Variants in ACACA observed in about 807,000 individuals in gnomAD.
ACACA encodes acetyl-CoA carboxylase alpha, also known as acetyl-CoA carboxylase 1.
Under a neutral mutation model 296.1 loss-of-function variants are expected in ACACA, and 103 were observed. The observed-to-expected ratio is 0.35, with a 90% CI of 0.30 to 0.41. The LOEUF is 0.41. Ranked by LOEUF, ACACA falls within the 10% of genes least tolerant of loss-of-function variation. The probability of loss-of-function intolerance (pLI) is 1.00; values close to 1 mark genes in which losing one functional copy is unlikely to be tolerated. For synonymous variants in ACACA, 953 were observed against 1,038.6 expected, an observed-to-expected ratio of 0.92 and a Z score of 1.58; for missense variants, 1,554 against 2,989.7, an observed-to-expected ratio of 0.52 and a Z score of 11.20.
chr17:37,210,215 A>G (rs2078685654), intron 30 of ACACA, among the ~76,000 whole-genome samples: 3 of 152,178 alleles, frequency 2.0e-5, no homozygotes, highest in African/African-American at 7.2e-5. Flanking sequence ...TAAACCCCCT[A>G]TCATACACAG....
intron 10 of ACACA, among the ~76,000 whole-genome samples, chr17:37,267,103 T>C (rs1302051197): frequency 6.6e-6 from 1 of 152,236 alleles, no homozygotes; most frequent in Non-Finnish European, 1.5e-5. Context: ...CAATTATCCA[T>C]TGATACCTAA....
At chr17:37,132,627 C>T (rs1315783034) in intron 45 of ACACA, among the ~76,000 whole-genome samples, 1 of 152,186 alleles carries the variant, frequency 6.6e-6, no homozygotes, top group Non-Finnish European at 1.5e-5. Flanking sequence ...GAGCCAAGTA[C>T]TCCTTGTTGC....
chr17:37,176,686 G>A (rs1377225633), intron 41 of ACACA, among the ~76,000 whole-genome samples: 1 of 152,114 alleles, frequency 6.6e-6, no homozygotes, highest in Middle Eastern at 3.2e-3. Context: ...CATCTCTTAG[G>A]CACAGCTGTC....
intron 1 of ACACA, among the ~76,000 whole-genome samples, chr17:37,374,462 C>CA (rs2049921725): frequency 6.6e-6 from 1 of 151,868 alleles, no homozygotes; most frequent in Non-Finnish European, 1.5e-5. Flanking sequence ...AATTTTTGTA[C>CA]TTTCAGTAGA....
At chr17:37,185,391 C>T (rs1221460550) in intron 39 of ACACA, among the ~76,000 whole-genome samples, 1 of 142,842 alleles carries the variant, frequency 7.0e-6, no homozygotes, top group Non-Finnish European at 1.5e-5. Flanking sequence ...TGACACCATG[C>T]CTGGCTATTT....
chr17:37,258,434 C>T lies in ACACA; in HGVS notation c.1501-61G>A. ...AGTTACTTCCCTTAAAGTGTAGAGG[C>T]TATCAGATAACCTAAAATATTTTTA... On this transcript the variant is annotated intron_variant, in intron 12 of 55. Coordinates refer to ENST00000616317, the MANE Select transcript of ACACA (RefSeq NM_198834.3). 2.6e-6 allele frequency: 4 copies of T among 1,511,960 alleles called. No individual in the cohort carries two copies. In the South Asian group the frequency reaches 4.5e-5, roughly 17 times the overall value. 93.7% of individuals were successfully genotyped at this position (1,511,960 alleles called of 1,614,324 possible).
intron 35 of ACACA, among the ~76,000 whole-genome samples, 187 bp downstream of exon 35, chr17:37,199,952 A>G (rs922788078): frequency 6.6e-6 from 1 of 152,132 alleles, no homozygotes; most frequent in Non-Finnish European, 1.5e-5. Context: ...TGTGGGCTCA[A>G]GCAATTTTCC....
intron 41 of ACACA, among the ~76,000 whole-genome samples, chr17:37,174,006 A>T (rs1598063186): frequency 0.015 from 183 of 12,228 alleles, 17 homozygotes; most frequent in African/African-American, 0.095. Flanking sequence ...ATATATATAT[A>T]TATATATATA....
At chr17:37,344,241 C>T (rs2048515331) in intron 1 of ACACA, among the ~76,000 whole-genome samples, 1 of 151,986 alleles carries the variant, frequency 6.6e-6, no homozygotes, top group African/African-American at 2.4e-5. Context: ...CCAGCCTGGA[C>T]ACCATGGCGA....
chr17:37,187,879 T>G (rs2077598720), intron 39 of ACACA, among the ~76,000 whole-genome samples: 1 of 152,228 alleles, frequency 6.6e-6, no homozygotes, highest in Non-Finnish European at 1.5e-5. Flanking sequence ...ATCCAACAAT[T>G]CTCTTTTCCT....
intron 1 of ACACA, among the ~76,000 whole-genome samples, chr17:37,355,385 G>C (rs1055777260): frequency 6.6e-6 from 1 of 150,440 alleles, no homozygotes; most frequent in Non-Finnish European, 1.5e-5. Context: ...GTGAATCCCC[G>C]TCTCTACTAA....
At chr17:37,148,001 C>T (rs908213631) in intron 45 of ACACA, among the ~76,000 whole-genome samples, 5 of 151,648 alleles carry the variant, frequency 3.3e-5, no homozygotes, top group African/African-American at 4.8e-5. Context: ...AATATAGTAT[C>T]GGGGCAGGGG....
At chr17:37,236,752 G>A (rs1382570643) in intron 24 of ACACA, among the ~76,000 whole-genome samples, 1 of 152,122 alleles carries the variant, frequency 6.6e-6, no homozygotes, top group African/African-American at 2.4e-5. Context: ...TTGAACCCAG[G>A]AGGCAGAAGT....
At chr17:37,297,560 G>T (rs1286692426) in intron 3 of ACACA, among the ~76,000 whole-genome samples, 1 of 145,162 alleles carries the variant, frequency 6.9e-6, no homozygotes, top group Non-Finnish European at 1.5e-5. Context: ...CTTTTTTTTT[G>T]AGATGGAGTT....
At chr17:37,242,866 T>G (rs1245257586) in intron 22 of ACACA, among the ~76,000 whole-genome samples, 1 of 152,136 alleles carries the variant, frequency 6.6e-6, no homozygotes, top group South Asian at 2.1e-4. Flanking sequence ...GTGAAACCCG[T>G]GACTACTAAA....
In ACACA at chr17:37,288,135, T is replaced by C. The variant is rs568832079; in HGVS notation, c.339-3165A>G. On this transcript the variant is annotated intron_variant, in intron 3 of 55. Coordinates refer to ENST00000616317, the MANE Select transcript of ACACA (RefSeq NM_198834.3). The stretch of plus-strand genomic sequence containing the variant: ...TTACACTATGCAACATATCTAATGA[T>C]AATAAACACCAGAGGTCTAAAAACA... Among the ~76,000 whole-genome samples, 7 of 152,352 alleles carry C rather than the reference T, an allele frequency of 4.6e-5. No individual in the cohort carries two copies. The South Asian group carries it at 1.2e-3, about 27-fold the overall frequency.
At chr17:37,381,817 T>C (rs11657660) in intron 1 of ACACA, among the ~76,000 whole-genome samples, 30,159 of 150,836 alleles carry the variant, frequency 0.2, 3,825 homozygotes, top group African/African-American at 0.34. Context: ...TTGGTAGAGA[T>C]GGGGTTTCAC....
intron 1 of ACACA, chr17:37,386,860 C>T (rs1275435028): frequency 1.3e-5 from 2 of 151,924 alleles, no homozygotes; most frequent in Non-Finnish European, 2.9e-5. Context: ...TTGTGTTGCC[C>T]AGACTGGAGT....
chr17:37,135,070 G>A (rs1200913735), intron 45 of ACACA, among the ~76,000 whole-genome samples: 1 of 152,178 alleles, frequency 6.6e-6, no homozygotes, highest in Non-Finnish European at 1.5e-5. Context: ...CATCTACTCA[G>A]TGCAGCTAAT....
Sources: allele counts gnomAD v4.1 joint callset (sites outside exome capture counted in the v4.1 genomes callset), GRCh38; gene constraint gnomAD v4.1.1; transcripts MANE v1.5; gene names NCBI Gene and HGNC (gene_info 2026-07-23, HGNC 2026-07-21).